The following FNBP1L variants were observed in gnomAD, a reference collection of about 807,000 sequenced individuals.
FNBP1L encodes formin binding protein 1 like, also known as formin-binding protein 1-like.
A neutral mutation model predicts 91.2 loss-of-function variants in FNBP1L; 36 were observed. The observed-to-expected ratio is 0.39, with a 90% CI of 0.30 to 0.52. The LOEUF (loss-of-function observed/expected upper bound fraction) is 0.52, where lower values mean the gene tolerates loss of function less well. Ranked by LOEUF, FNBP1L falls within the 20% of genes least tolerant of loss-of-function variation. The pLI is 0.66. For missense variants in FNBP1L, 571 were observed against 732.1 expected, an observed-to-expected ratio of 0.78 and a Z score of 2.54; for synonymous variants, 242 against 237.0, an observed-to-expected ratio of 1.02 and a Z score of -0.19.
Position 93,484,090 on chromosome 1 carries a change from G to A in FNBP1L, c.25-15378G>A, listed in dbSNP as rs549840211. Reference sequence around the variant, plus strand: ...ACTACAGGCGTGCGCCACCATGCCCGGCTAATTTTTGTATTTTTAGTAGAG... The same window carrying A: ...ACTACAGGCGTGCGCCACCATGCCCAGCTAATTTTTGTATTTTTAGTAGAG... On this transcript the variant is annotated intron_variant, in intron 1 of 16. Coordinates refer to ENST00000271234, the MANE Select transcript of FNBP1L (RefSeq NM_001164473.3). Among the ~76,000 whole-genome samples the A allele has an allele frequency of 1.1e-3, 160 of 152,228 alleles. 2 individuals are homozygous for A. Among genetic ancestry groups the A allele is most frequent in the Middle Eastern group, 0.01 (3 of 294 alleles).
chr1:93,515,038 G>C (rs1166360036), intron 2 of FNBP1L, among the ~76,000 whole-genome samples: 7 of 152,242 alleles, frequency 4.6e-5, no homozygotes, highest in African/African-American at 7.2e-5. Context: ...GGGCTAATAT[G>C]CAGAATCTAC....
At chr1:93,471,998 A>G (rs1228484726) in intron 1 of FNBP1L, among the ~76,000 whole-genome samples, 1 of 152,132 alleles carries the variant, frequency 6.6e-6, no homozygotes, top group Non-Finnish European at 1.5e-5. Context: ...TGGTGCTGTT[A>G]ATTAGCAGTA....
chr1:93,487,537 C>T (rs1411227469), intron 1 of FNBP1L, among the ~76,000 whole-genome samples: 1 of 152,132 alleles, frequency 6.6e-6, no homozygotes, highest in Non-Finnish European at 1.5e-5. Flanking sequence ...ACTAACCAAC[C>T]ACATGACAGA....
At chr1:93,464,200 T>G (rs1305533808) in intron 1 of FNBP1L, among the ~76,000 whole-genome samples, 1 of 152,180 alleles carries the variant, frequency 6.6e-6, no homozygotes. Flanking sequence ...AACATATGAT[T>G]CAGCAATTTC....
chr1:93,524,319 A>G lies in FNBP1L; in HGVS notation c.401A>G (p.Asp134Gly). 1.3e-6 allele frequency: 2 copies of G among 1,503,126 alleles called. No homozygotes were observed. The highest frequency in any genetic ancestry group is 2.6e-5 in the East Asian group (1 of 38,632). 93.1% of individuals were successfully genotyped at this position (1,503,126 alleles called of 1,614,324 possible). A position where few individuals can be genotyped will look rare whatever the true frequency, so the allele number is the denominator to read the frequency against. ...QYLDMCWKQMDNSKKKFEREC... is the reference protein window; with the variant it reads ...QYLDMCWKQMGNSKKKFEREC... ...CTTGACATGTGCTGGAAACAGATGG[A>G]TAATGTGAGTTATGACATTTTCATG... Residue 134 changes from aspartate to glycine, a missense_variant, in exon 5 of 17, where the codon GAT becomes GGT. Transcript: ENST00000271234.
chr1:93,455,983 T>C (rs539517203), intron 1 of FNBP1L, among the ~76,000 whole-genome samples: 5 of 152,342 alleles, frequency 3.3e-5, no homozygotes, highest in South Asian at 2.1e-4. Flanking sequence ...TGAGATGTTA[T>C]CTACCTGGGC....
chr1:93,546,204 T>G, intron 12 of FNBP1L, among the ~76,000 whole-genome samples: 1 of 151,110 alleles, frequency 6.6e-6, no homozygotes, highest in East Asian at 1.9e-4. Flanking sequence ...AAAGCAGAGG[T>G]GAGGAGGAGG....
intron 1 of FNBP1L, among the ~76,000 whole-genome samples, chr1:93,472,160 T>C (rs1410042239): frequency 6.6e-6 from 1 of 152,240 alleles, no homozygotes; most frequent in Non-Finnish European, 1.5e-5. Flanking sequence ...ATTCTGACAG[T>C]ACCAAGGTTT....
intron 16 of FNBP1L, chr1:93,551,405 A>G: frequency 9.7e-7 from 1 of 1,030,516 alleles, no homozygotes; most frequent in Non-Finnish European, 1.2e-6. Context: ...TGCCTTACAA[A>G]TAGAATTTGA....
intron 2 of FNBP1L, among the ~76,000 whole-genome samples, chr1:93,513,062 C>A (rs994274677): frequency 1.3e-5 from 2 of 151,930 alleles, no homozygotes; most frequent in East Asian, 1.9e-4. Flanking sequence ...ATCAAATAGA[C>A]GCAATAAAAA....
At chr1:93,490,791 CT>C (rs1670065937) in intron 1 of FNBP1L, among the ~76,000 whole-genome samples, 1 of 152,168 alleles carries the variant, frequency 6.6e-6, no homozygotes, top group African/African-American at 2.4e-5. Context: ...TTGTCATGAT[CT>C]TTTCCCTTGA....
At chr1:93,550,131 G>T (rs938168621) in intron 15 of FNBP1L, among the ~76,000 whole-genome samples, 1 of 152,120 alleles carries the variant, frequency 6.6e-6, no homozygotes, top group Non-Finnish European at 1.5e-5. Context: ...TCCCCACTTC[G>T]TGTTGGTTTA....
At chr1:93,543,960 T>C in intron 11 of FNBP1L, 147 bp from the exon 12 acceptor site, 1 of 507,932 alleles carries the variant, frequency 2.0e-6, no homozygotes, top group East Asian at 3.2e-5. Flanking sequence ...CACATCTGTG[T>C]AGATTTCTTT....
intron 1 of FNBP1L, among the ~76,000 whole-genome samples, chr1:93,452,954 A>G (rs1416344214): frequency 6.6e-6 from 1 of 152,150 alleles, no homozygotes; most frequent in Non-Finnish European, 1.5e-5. Context: ...GACAAAAGGT[A>G]GAGTTGCTTT....
intron 1 of FNBP1L, among the ~76,000 whole-genome samples, chr1:93,453,238 G>A (rs961293106): frequency 6.6e-6 from 1 of 152,116 alleles, no homozygotes; most frequent in Non-Finnish European, 1.5e-5. Context: ...TATTACAGAC[G>A]TTATTGCTAT....
intron 1 of FNBP1L, among the ~76,000 whole-genome samples, chr1:93,486,736 C>G (rs1226587714): frequency 6.6e-6 from 1 of 152,160 alleles, no homozygotes; most frequent in Non-Finnish European, 1.5e-5. Context: ...CTGTTTAGAC[C>G]TATGCCCACT....
At chr1:93,454,909 T>C (rs1007806096) in intron 1 of FNBP1L, among the ~76,000 whole-genome samples, 1 of 150,822 alleles carries the variant, frequency 6.6e-6, no homozygotes, top group Admixed American at 6.6e-5. Flanking sequence ...GCTGTTTTAT[T>C]TTTATTTATT....
chr1:93,534,661 A>C, intron 8 of FNBP1L, 44 bp from the exon 9 acceptor site: 2 of 1,336,848 alleles, frequency 1.5e-6, no homozygotes, highest in East Asian at 2.5e-5. Flanking sequence ...ATGTAGAATT[A>C]TGAGCAAGTG....
intron 1 of FNBP1L, among the ~76,000 whole-genome samples, chr1:93,471,668 G>T (rs1349565532): frequency 6.6e-6 from 1 of 152,120 alleles, no homozygotes; most frequent in East Asian, 1.9e-4. Context: ...CTCCAGCCTG[G>T]GTGACCAGAG....
Sources: allele counts gnomAD v4.1 joint callset (sites outside exome capture counted in the v4.1 genomes callset), GRCh38; gene constraint gnomAD v4.1.1; transcripts MANE v1.5; gene names NCBI Gene and HGNC (gene_info 2026-07-23, HGNC 2026-07-21).